FBXO15: variants seen among roughly 807,000 people sequenced by gnomAD.
The protein encoded by FBXO15 is F-box only protein 15.
Under a neutral mutation model 49.5 loss-of-function variants are expected in FBXO15, and 30 were observed. The observed-to-expected ratio is 0.61, with a 90% confidence interval of 0.45 to 0.82. The LOEUF is 0.82. FBXO15 is among the 40% of genes least tolerant of loss of function. FBXO15 has a pLI of 0.00. For synonymous variants in FBXO15, 250 were observed against 232.7 expected, an observed-to-expected ratio of 1.07 and a Z score of -0.68; for missense variants, 591 against 631.5, an observed-to-expected ratio of 0.94 and a Z score of 0.69.
intron 8 of FBXO15, among the ~76,000 whole-genome samples, chr18:74,094,638 T>C (rs1449319161): frequency 6.6e-6 from 1 of 152,242 alleles, no homozygotes; most frequent in African/African-American, 2.4e-5. Flanking sequence ...AGATATGCTG[T>C]CATCTCGGCT....
intron 8 of FBXO15, among the ~76,000 whole-genome samples, chr18:74,105,115 T>C (rs146509061): frequency 8.5e-4 from 130 of 152,248 alleles, no homozygotes; most frequent in Admixed American, 2.6e-3. Flanking sequence ...TTAAAATGTG[T>C]ATCTCATGAA....
rs551089916 is a variant in FBXO15 at position 74,083,519 on chromosome 18, T to C, written c.1139-1468A>G. Among the ~76,000 whole-genome samples the C allele has an allele frequency of 3.3e-5, 5 of 152,286 alleles. No homozygotes were observed. The South Asian group carries it at 1.0e-3, about 32-fold the overall frequency. On this transcript the variant is annotated intron_variant, in intron 8 of 9. Transcript: ENST00000419743. Reference sequence around the variant, plus strand: ...GCAAAGGCAGGCAGCCGACGGCGCCTACAGAAAACCAGGAGCTCATCTTCC... The same window carrying C: ...GCAAAGGCAGGCAGCCGACGGCGCCCACAGAAAACCAGGAGCTCATCTTCC...
chr18:74,124,766 C>A (rs912719060), intron 6 of FBXO15, among the ~76,000 whole-genome samples, 195 bp from the exon 7 acceptor site: 3 of 152,126 alleles, frequency 2.0e-5, no homozygotes, highest in Non-Finnish European at 4.4e-5. Flanking sequence ...TTCATATTGA[C>A]AGCAGGACCA....
At chr18:74,079,531 T>C (rs138464563) in intron 9 of FBXO15, among the ~76,000 whole-genome samples, 34 of 152,346 alleles carry the variant, frequency 2.2e-4, no homozygotes, top group African/African-American at 7.2e-4. Context: ...GTAAATTTTA[T>C]GTTTATTTTA....
At chr18:74,113,507 G>A (rs569762825) in intron 8 of FBXO15, among the ~76,000 whole-genome samples, 1 of 152,144 alleles carries the variant, frequency 6.6e-6, no homozygotes, top group Non-Finnish European at 1.5e-5. Context: ...TTAATAATGG[G>A]AGAGGTTATG....
chr18:74,127,884 A>G (rs2145197951), intron 5 of FBXO15, among the ~76,000 whole-genome samples: 1 of 152,340 alleles, frequency 6.6e-6, no homozygotes, highest in South Asian at 2.1e-4. Context: ...ATTTGAATTA[A>G]TGTTAGCCAG....
At chr18:74,128,833 C>A (rs185249681) in intron 5 of FBXO15, among the ~76,000 whole-genome samples, 11 of 152,334 alleles carry the variant, frequency 7.2e-5, no homozygotes, top group Non-Finnish European at 5.9e-5. Context: ...GCACACTTAG[C>A]TGATCTACGC....
intron 7 of FBXO15, among the ~76,000 whole-genome samples, chr18:74,124,091 T>C (rs567002044): frequency 6.6e-6 from 1 of 151,936 alleles, no homozygotes; most frequent in South Asian, 2.1e-4. Flanking sequence ...ACGCGCAAAT[T>C]CATTAAAAGA....
At chr18:74,104,776 T>C (rs1913677126) in intron 8 of FBXO15, among the ~76,000 whole-genome samples, 1 of 152,246 alleles carries the variant, frequency 6.6e-6, no homozygotes, top group Admixed American at 6.5e-5. Context: ...GAGCTCCCAA[T>C]TATATAAATC....
At chr18:74,117,338 T>C (rs1452500101) in intron 8 of FBXO15, among the ~76,000 whole-genome samples, 2 of 152,168 alleles carry the variant, frequency 1.3e-5, no homozygotes, top group African/African-American at 2.4e-5. Context: ...TTATGCGTTA[T>C]AACAACCATA....
rs200303985 is a variant in FBXO15, at chr18:74,082,045, A to G, written c.1145T>C (p.Ile382Thr). ...AATGAGCTTCACATGTCCATTTTCA[A>G]TATTTCCTGAAAAGATATAAGATTG... ...FRNLFTKRGN[I>T]ENGHVKLIVI... Residue 382 changes from isoleucine to threonine, a missense_variant, in exon 9 of 10, where the codon ATT (isoleucine) becomes ACT (threonine). Ile to Thr is a moderately conservative substitution (Grantham distance 89). Transcript: ENST00000419743. The G allele has an allele frequency of 1.2e-4, 187 of 1,611,220 alleles. No homozygotes were observed. The highest frequency in any genetic ancestry group is 1.7e-5 in the Admixed American group (1 of 59,386).
intron 8 of FBXO15, among the ~76,000 whole-genome samples, chr18:74,086,770 A>T (rs1599137533): frequency 6.6e-6 from 1 of 152,206 alleles, no homozygotes; most frequent in Non-Finnish European, 1.5e-5. Context: ...AGTCTATAGG[A>T]TATAGAGCAC....
Position 74,074,761 on chromosome 18 carries a change from G to A in FBXO15, c.1264-1031C>T, listed in dbSNP as rs964143955. Among the ~76,000 whole-genome samples, 1 of 152,200 alleles carries A rather than the reference G, an allele frequency of 6.6e-6. No homozygotes were observed. Among genetic ancestry groups the A allele is most frequent in the African/African-American group, 2.4e-5 (1 of 41,442 alleles). ...TAAGCATAAACGTCATTTCATGAAC[G>A]CTGCTTTCATTGCACATGAATGTGT... On this transcript the variant is annotated intron_variant, in intron 9 of 9. Coordinates refer to ENST00000419743, the MANE Select transcript of FBXO15 (RefSeq NM_001142958.2). This position sits in a 1 kb window ranked among gnomAD's most constrained non-coding sequence, Gnocchi z 4.7.
intron 8 of FBXO15, among the ~76,000 whole-genome samples, chr18:74,121,512 T>C (rs1318657802): frequency 1.9e-4 from 29 of 152,286 alleles, no homozygotes; most frequent in East Asian, 1.9e-4. Flanking sequence ...TTCAACAACA[T>C]AGATGTTACT....
chr18:74,135,729 C>G, intron 3 of FBXO15, 33 bp downstream of exon 3: 1 of 1,527,280 alleles, frequency 6.5e-7, no homozygotes, highest in Non-Finnish European at 8.9e-7. Context: ...AAACTGTCAT[C>G]AAAACATAAC....
rs1568186088 is a variant in FBXO15, at chr18:74,145,593, A to AGTTTTTTTT, written c.116+2076_116+2077insAAAAAAAAC. On this transcript the variant is annotated intron_variant, in intron 1 of 9. Coordinates refer to ENST00000419743, the MANE Select transcript of FBXO15 (RefSeq NM_001142958.2). ...TTTATCCATAAAATAAACCAACTGC[A>AGTTTTTTTT]CTTTTTTTTTTTTTTTTTTTTTGCG... 5.5e-4 allele frequency among the ~76,000 whole-genome samples: 60 copies of AGTTTTTTTT among 108,134 alleles called. 1 individual carries two copies. Among genetic ancestry groups the AGTTTTTTTT allele is most frequent in the African/African-American group, 2.6e-3 (58 of 22,100 alleles). 70.9% of individuals were successfully genotyped at this position (108,134 alleles called of 152,430 possible).
At chr18:74,142,467 C>CT (rs375689161) in intron 1 of FBXO15, among the ~76,000 whole-genome samples, 5 of 152,318 alleles carry the variant, frequency 3.3e-5, no homozygotes, top group African/African-American at 1.2e-4. Context: ...TATTATGTCT[C>CT]AGTAGCCAGA....
chr18:74,097,720 G>A (rs1422374221), intron 8 of FBXO15: 1 of 152,228 alleles, frequency 6.6e-6, no homozygotes, highest in Non-Finnish European at 1.5e-5. Flanking sequence ...GGGAGTTCTA[G>A]GGCCCCACCT....
chr18:74,123,470 T>C lies in FBXO15; in HGVS notation c.1036A>G (p.Ser346Gly), dbSNP rs781191357. Reference protein sequence around the residue: ...LPPHSPFLDDSPEYGLHGYQL... With the variant: ...LPPHSPFLDDGPEYGLHGYQL... ...TAGCCGTGCAGTCCATACTCGGGGC[T>C]ATCATCCAAAAAGGGGCTATGTGGA... The change falls in exon 8 of 10, where the codon AGC becomes GGC. Residue 346 changes from serine to glycine, a missense_variant. By Grantham distance (56) the Ser-to-Gly change is moderately conservative. Transcript: ENST00000419743. The C allele has an allele frequency of 6.2e-7, 1 of 1,613,316 alleles. No homozygotes were observed. The highest frequency in any genetic ancestry group is 1.3e-5 in the African/African-American group (1 of 74,858).
Sources: gnomAD v4.1 joint callset for allele counts (sites outside exome capture counted in the v4.1 genomes callset) on GRCh38, gnomAD v4.1.1 for gene constraint, Gnocchi (gnomAD v3.1) non-coding constraint, MANE v1.5 for transcripts, NCBI Gene and HGNC (gene_info 2026-07-23, HGNC 2026-07-21) for gene names.